The following ZNF16 variants were observed in gnomAD, a reference collection of about 807,000 sequenced individuals.
ZNF16 encodes zinc finger protein KOX9.
A neutral mutation model predicts 9.0 loss-of-function variants in ZNF16; 7 were observed. The observed-to-expected ratio is 0.78, with a 90% CI of 0.44 to 1.47. ZNF16 has a LOEUF of 1.47. Among genes scored for constraint, ZNF16 ranks in the 40% most tolerant of loss-of-function variants. The probability of loss-of-function intolerance (pLI) is 0.01; values close to 1 mark genes in which losing one functional copy is unlikely to be tolerated. For missense variants in ZNF16, 830 were observed against 854.2 expected, an observed-to-expected ratio of 0.97 and a Z score of 0.35; for synonymous variants, 312 against 301.5, an observed-to-expected ratio of 1.03 and a Z score of -0.36.
At chr8:144,947,024 GT>G (rs1369888760) in intron 1 of ZNF16, among the ~76,000 whole-genome samples, 18 of 99,970 alleles carry the variant, frequency 1.8e-4, no homozygotes, top group African/African-American at 8.7e-4. Context: ...GTATCCTGCT[GT>G]TGGGCCTGTG....
Position 144,946,610 on chromosome 8 carries a change from G to GC in ZNF16, c.-9-396dup, listed in dbSNP as rs1563925724. Among the ~76,000 whole-genome samples, 207 of 111,084 alleles carry GC rather than the reference G, an allele frequency of 1.9e-3. 10 individuals are homozygous for GC. The highest frequency in any genetic ancestry group is 6.3e-3 in the African/African-American group (190 of 30,372). 72.9% of individuals were successfully genotyped at this position (111,084 alleles called of 152,430 possible). On this transcript the variant is annotated intron_variant, in intron 1 of 2. Transcript: ENST00000394909. ...CTGTGGGTCTGTATCCTGCTGTTGG[G>GC]CTTGTGTCCTGCTGTTGGGCCTGTG...
chr8:144,942,053 T>C (rs1397973706), intron 2 of ZNF16, among the ~76,000 whole-genome samples: 26 of 131,888 alleles, frequency 2.0e-4, no homozygotes, highest in Admixed American at 6.1e-4. Flanking sequence ...TCTTGGCTCA[T>C]TGCAAGCTCC....
intron 2 of ZNF16, among the ~76,000 whole-genome samples, chr8:144,943,390 G>T (rs557323878): frequency 7.9e-5 from 12 of 152,078 alleles, no homozygotes; most frequent in African/African-American, 2.9e-4. Flanking sequence ...CATCACATTG[G>T]GGATACTCTC....
chr8:144,945,996 C>T lies in ZNF16; in HGVS notation c.196+15G>A. 6.2e-7 allele frequency: 1 copy of T among 1,613,196 alleles called. No individual in the cohort carries two copies. The highest frequency in any genetic ancestry group is 1.3e-5 in the African/African-American group (1 of 75,022). ...CCAGAATAAGGGCACCAGCGGAGAA[C>T]TGTTCTTAAAGTACCTGGCTGCTGA... is the stretch of plus-strand genomic sequence containing the variant. On this transcript the variant is annotated intron_variant, in intron 2 of 2. Transcript: ENST00000394909.
intron 2 of ZNF16, among the ~76,000 whole-genome samples, chr8:144,942,170 G>A (rs1833816420): frequency 6.6e-6 from 1 of 150,852 alleles, no homozygotes; most frequent in African/African-American, 2.4e-5. Flanking sequence ...AGTAGAGACG[G>A]GGTTTCACTG....
Position 144,932,682 on chromosome 8 carries a change from G to A in ZNF16, c.197-92C>T, listed in dbSNP as rs1833587466. The A allele has an allele frequency of 7.3e-7, 1 of 1,370,694 alleles. No homozygotes were observed. Among genetic ancestry groups the A allele is most frequent in the Admixed American group, 2.0e-5 (1 of 49,146 alleles). The allele number at this position is 1,370,694 out of a possible 1,614,324, so 84.9% of individuals were successfully genotyped here. A position where few individuals can be genotyped will look rare whatever the true frequency, so the allele number is the denominator to read the frequency against. On this transcript the variant is annotated intron_variant, in intron 2 of 2. Transcript: ENST00000394909. The surrounding 1 kb of genome is among the most constrained non-coding windows in gnomAD (Gnocchi z 5.0). ...ACAGTTGCACCCACTAACTGTGGAG[G>A]AGGCAAGGGGAGCAGGGGATCCTCT...
At chr8:144,939,583 G>A (rs1044879786) in intron 2 of ZNF16, among the ~76,000 whole-genome samples, 2 of 124,454 alleles carry the variant, frequency 1.6e-5, no homozygotes, top group Non-Finnish European at 3.2e-5. Flanking sequence ...GGAACAGAGC[G>A]AGACTCCGTC....
chr8:144,935,242 GC>G (rs1278189191), intron 2 of ZNF16, among the ~76,000 whole-genome samples: 1 of 151,754 alleles, frequency 6.6e-6, no homozygotes, highest in Non-Finnish European at 1.5e-5. Flanking sequence ...GGCTCTTATA[GC>G]CCAGGCTCGA....
At chr8:144,939,595 CAAAAAAAAAAAA>C (rs58274217) in intron 2 of ZNF16, among the ~76,000 whole-genome samples, 1 of 57,414 alleles carries the variant, frequency 1.7e-5, no homozygotes, top group Non-Finnish European at 3.5e-5. Context: ...GACTCCGTCT[CAAAAAAAAAAAA>C]AAAAAAAAAA....
chr8:144,937,199 T>A (rs988986335), intron 2 of ZNF16, among the ~76,000 whole-genome samples: 2 of 142,324 alleles, frequency 1.4e-5, no homozygotes, highest in African/African-American at 5.3e-5. Context: ...CAGGCTGGAG[T>A]ACACTGGTGC....
In ZNF16 at chr8:144,931,262, C is replaced by G; in HGVS notation, c.1525G>C (p.Gly509Arg). Residue 509 changes from glycine (G) to arginine (R), a missense_variant, in exon 3 of 3, where the codon GGC becomes CGC. Coordinates refer to ENST00000394909, the MANE Select transcript of ZNF16 (RefSeq NM_006958.3). Reference protein sequence around the residue: ...SHSSALIQHQGVHTGDKPYAC... With the variant: ...SHSSALIQHQRVHTGDKPYAC... ...TAGGGCTTGTCGCCTGTGTGCACGC[C>G]CTGGTGCTGAATGAGGGCTGAGCTG... 6.2e-7 allele frequency: 1 copy of G among 1,613,124 alleles called. No individual in the cohort carries two copies. Among genetic ancestry groups the G allele is most frequent in the Non-Finnish European group, 8.5e-7 (1 of 1,179,796 alleles).
At position 144,931,005 on chromosome 8, in the gene ZNF16, A is replaced by G. The variant is rs768370612; in HGVS notation, c.1782T>C (p.Val594=). Residue 594 remains valine (V), a synonymous_variant, in exon 3 of 3, where the codon GTT becomes GTC. Coordinates refer to ENST00000394909, the MANE Select transcript of ZNF16 (RefSeq NM_006958.3). Reference sequence around the variant, plus strand: ...AGGTGTAGGGTTTTTCCCCAGTATGAACTTTCTGGTGGTGAATGAGATTTG... The same window carrying G: ...AGGTGTAGGGTTTTTCCCCAGTATGGACTTTCTGGTGGTGAATGAGATTTG... ...RSSNLIHHQK[V]HTGEKPYTCV... is the part of the protein sequence containing the mutation. 2 of 1,614,088 alleles carry G rather than the reference A, an allele frequency of 1.2e-6. No homozygotes were observed. Among genetic ancestry groups the G allele is most frequent in the Non-Finnish European group, 1.7e-6 (2 of 1,180,026 alleles).
At chr8:144,935,345 G>A (rs1563920504) in intron 2 of ZNF16, among the ~76,000 whole-genome samples, 1 of 152,008 alleles carries the variant, frequency 6.6e-6, no homozygotes. Context: ...TGGGATTACA[G>A]GGATGTGCCA....
chr8:144,950,097 G>A (rs1206609750), intron 1 of ZNF16, among the ~76,000 whole-genome samples: 2 of 152,190 alleles, frequency 1.3e-5, no homozygotes, highest in East Asian at 3.9e-4. Context: ...CCACTGAGAT[G>A]TTTGGGTGGA....
intron 1 of ZNF16, among the ~76,000 whole-genome samples, chr8:144,949,701 A>G (rs1008771633): frequency 6.6e-6 from 1 of 152,204 alleles, no homozygotes; most frequent in Non-Finnish European, 1.5e-5. Flanking sequence ...TGCTTGGTAA[A>G]AGTCATCGCC....
chr8:144,939,334 G>A (rs564796784), intron 2 of ZNF16, among the ~76,000 whole-genome samples: 6 of 152,116 alleles, frequency 3.9e-5, no homozygotes, highest in Non-Finnish European at 7.4e-5. Context: ...GGCCAGGCAC[G>A]GTTGCTCAGT....
chr8:144,946,986 C>T (rs1221402299), intron 1 of ZNF16, among the ~76,000 whole-genome samples: 2 of 106,478 alleles, frequency 1.9e-5, no homozygotes, highest in Non-Finnish European at 3.6e-5. Flanking sequence ...CTGTGTCCTG[C>T]TGTGGGGCTG....
At position 144,943,172 on chromosome 8, in the gene ZNF16, C is replaced by T. The variant is rs189075071; in HGVS notation, c.196+2839G>A. ...CCTCTTAGCAGTTTAACTAAGCCGT[C>T]CCACTGCCTTCTGACCTCCATGGGT... On this transcript the variant is annotated intron_variant, in intron 2 of 2. Transcript: ENST00000394909. 2.0e-5 allele frequency among the ~76,000 whole-genome samples: 3 copies of T among 152,332 alleles called. No homozygotes were observed. In the East Asian group the frequency reaches 5.8e-4, roughly 29 times the overall value.
At position 144,931,793 on chromosome 8, in the gene ZNF16, G is replaced by A. The variant is rs755288485; in HGVS notation, c.994C>T (p.Arg332Trp). 26 of 1,614,042 alleles carry A rather than the reference G, an allele frequency of 1.6e-5. No individual in the cohort carries two copies. Among genetic ancestry groups the A allele is most frequent in the South Asian group, 1.4e-4 (13 of 91,086 alleles). ...ECNECGKAFR[R>W]SSNLIQHQRI... ...TGATGTTGGATGAGGTTTGAGCTCCGCCTAAAAGCCTTCCCACATTCATTG... is the reference window on the plus strand; with the variant it reads ...TGATGTTGGATGAGGTTTGAGCTCCACCTAAAAGCCTTCCCACATTCATTG... The change falls in exon 3 of 3, where the codon CGG becomes TGG. Residue 332 changes from arginine (R) to tryptophan (W), a missense_variant. Physicochemically the swap from Arg to Trp is moderately radical, Grantham distance 101. Transcript: ENST00000394909.
Sources: allele counts gnomAD v4.1 joint callset (sites outside exome capture counted in the v4.1 genomes callset), GRCh38; gene constraint gnomAD v4.1.1; non-coding constraint Gnocchi (gnomAD v3.1); transcripts MANE v1.5; gene names NCBI Gene and HGNC (gene_info 2026-07-23, HGNC 2026-07-21).